Variants in QTGAL observed in about 807,000 individuals in gnomAD.
The protein encoded by QTGAL is BGnT-like protein 1.
At chr17:82,952,907 C>CT in the QTGAL span, among the ~76,000 whole-genome samples, 1 of 152,176 alleles carries the variant, frequency 6.6e-6, no homozygotes, top group African/African-American at 2.4e-5. Flanking sequence ...AATCGCAGAA[C>CT]TACATGGAAA....
chr17:82,999,641 G>C, the QTGAL span, among the ~76,000 whole-genome samples: 1 of 152,194 alleles, frequency 6.6e-6, no homozygotes, highest in Non-Finnish European at 1.5e-5. Flanking sequence ...AGCTTATTAA[G>C]AAAATCATAA....
chr17:83,016,522 GAA>G, the QTGAL span, among the ~76,000 whole-genome samples: 1 of 137,640 alleles, frequency 7.3e-6, no homozygotes. Flanking sequence ...GAAGAGGGCA[GAA>G]GAGGAGGGTG....
the QTGAL span, among the ~76,000 whole-genome samples, chr17:83,025,849 C>T: frequency 6.6e-6 from 1 of 152,248 alleles, no homozygotes; most frequent in Non-Finnish European, 1.5e-5. Flanking sequence ...CGGGTGAGTA[C>T]ATCCCTGTCG....
the QTGAL span, chr17:83,007,264 CTG>C: frequency 1.3e-5 from 13 of 985,306 alleles, no homozygotes; most frequent in Non-Finnish European, 1.4e-5. Context: ...TAGGACAGCT[CTG>C]GAGCCGCCGC....
At chr17:83,008,032 C>G in the QTGAL span, among the ~76,000 whole-genome samples, 2 of 152,252 alleles carry the variant, frequency 1.3e-5, no homozygotes, top group Non-Finnish European at 2.9e-5. Flanking sequence ...GGAGACCTCG[C>G]GCTCTCAAGA....
At chr17:82,994,738 A>G in the QTGAL span, among the ~76,000 whole-genome samples, 3 of 152,206 alleles carry the variant, frequency 2.0e-5, no homozygotes, top group Non-Finnish European at 4.4e-5. Flanking sequence ...ACAAAGACAC[A>G]TAAAAAAATT....
chr17:82,991,893 G>A, the QTGAL span, among the ~76,000 whole-genome samples: 7 of 152,098 alleles, frequency 4.6e-5, no homozygotes, highest in Admixed American at 3.9e-4. Flanking sequence ...CAGAAATTCT[G>A]GAGCTGAAAA....
chr17:82,995,572 CGGGGTTTCGCTATG>C, the QTGAL span, among the ~76,000 whole-genome samples: 2 of 151,898 alleles, frequency 1.3e-5, no homozygotes, highest in South Asian at 4.2e-4. Flanking sequence ...TAAGTAGAGA[CGGGGTTTCGCTATG>C]TTAACCAGGA....
chr17:82,971,442 C>A, the QTGAL span, among the ~76,000 whole-genome samples: 2 of 152,306 alleles, frequency 1.3e-5, no homozygotes, highest in East Asian at 3.9e-4. Context: ...GGGGTGGGGG[C>A]AGCTCCGTGG....
At chr17:82,986,293 G>A in the QTGAL span, among the ~76,000 whole-genome samples, 2,739 of 152,304 alleles carry the variant, frequency 0.018, 31 homozygotes, top group Middle Eastern at 0.037. Flanking sequence ...CTTGGTAATC[G>A]TCAACATCTG....
At chr17:82,984,590 T>TGAGCACACAGGGAGAGGCTACAGGAG in the QTGAL span, among the ~76,000 whole-genome samples, 1 of 75,046 alleles carries the variant, frequency 1.3e-5, no homozygotes, top group South Asian at 3.9e-4. Flanking sequence ...GGCTACAGGG[T>TGAGCACACAGGGAGAGGCTACAGGAG]CGTGCAGGGA....
the QTGAL span, among the ~76,000 whole-genome samples, chr17:82,968,055 A>G: frequency 6.6e-6 from 1 of 152,244 alleles, no homozygotes; most frequent in Admixed American, 6.5e-5. Flanking sequence ...GCAGGCTCTT[A>G]GAGAGTTAAA....
the QTGAL span, among the ~76,000 whole-genome samples, chr17:82,983,248 C>T: frequency 3.3e-5 from 5 of 152,168 alleles, no homozygotes; most frequent in Admixed American, 2.0e-4. Flanking sequence ...CCATTGCACT[C>T]CAGTCTGGGC....
At chr17:82,953,444 C>T in the QTGAL span, among the ~76,000 whole-genome samples, 2 of 152,122 alleles carry the variant, frequency 1.3e-5, no homozygotes, top group Non-Finnish European at 2.9e-5. Context: ...GACACATACA[C>T]CCTCCCAAGA....
At chr17:82,942,490 C>G in the QTGAL span, 1 of 1,613,922 alleles carries the variant, frequency 6.2e-7, no homozygotes, top group Non-Finnish European at 8.5e-7. Context: ...CATACCTCAC[C>G]CCTGCCTGGT....
At chr17:83,009,221 A>G in the QTGAL span, among the ~76,000 whole-genome samples, 1 of 152,060 alleles carries the variant, frequency 6.6e-6, no homozygotes, top group African/African-American at 2.4e-5. Context: ...CAGGAGTTCG[A>G]GACCAGCCTG....
chr17:83,009,810 GCA>G, the QTGAL span, among the ~76,000 whole-genome samples: 1 of 152,032 alleles, frequency 6.6e-6, no homozygotes, highest in Non-Finnish European at 1.5e-5. Context: ...CACGTTTCTG[GCA>G]CAGACTCAAG....
At chr17:83,044,140 C>T in the QTGAL span, among the ~76,000 whole-genome samples, 49 of 152,120 alleles carry the variant, frequency 3.2e-4, no homozygotes, top group African/African-American at 1.2e-3. Context: ...TCTATGAGGC[C>T]AGTATTACTC....
the QTGAL span, among the ~76,000 whole-genome samples, chr17:83,033,429 G>A: frequency 0.3 from 46,102 of 151,710 alleles, 7,684 homozygotes; most frequent in African/African-American, 0.44. Flanking sequence ...AAGTTACACT[G>A]TCAAGATGGC....
Sources: allele counts gnomAD v4.1 joint callset (sites outside exome capture counted in the v4.1 genomes callset), GRCh38; gene constraint gnomAD v4.1.1; transcripts MANE v1.5; gene names NCBI Gene and HGNC (gene_info 2026-07-23, HGNC 2026-07-21).